The following CACNA2D3 variants were observed in gnomAD, a reference collection of about 807,000 sequenced individuals.
CACNA2D3 encodes the protein voltage-dependent calcium channel subunit alpha-2/delta-3.
CACNA2D3 carries 60 observed loss-of-function variants against 160.6 expected under a neutral mutation model. The observed-to-expected ratio is 0.37, with a 90% confidence interval of 0.30 to 0.46. The LOEUF (loss-of-function observed/expected upper bound fraction) is 0.46, where lower values mean the gene tolerates loss of function less well. Among genes scored for constraint, CACNA2D3 ranks in the 20% least tolerant of loss-of-function variants. The pLI, the probability that CACNA2D3 is intolerant of heterozygous loss-of-function variation, is 1.00. For missense variants in CACNA2D3, 1,205 were observed against 1,365.0 expected, an observed-to-expected ratio of 0.88 and a Z score of 1.85; for synonymous variants, 558 against 492.9, an observed-to-expected ratio of 1.13 and a Z score of -1.75.
Position 54,635,179 on chromosome 3 carries a change from C to T in CACNA2D3, c.1054-6949C>T, listed in dbSNP as rs1038755535. ...GTTGTATAGAATGATTGGTGATGGCCTGGATACGGTTTTGTATGAACTGAA... is the reference window on the plus strand; with the variant it reads ...GTTGTATAGAATGATTGGTGATGGCTTGGATACGGTTTTGTATGAACTGAA... On this transcript the variant is annotated intron_variant, in intron 10 of 37. Coordinates refer to ENST00000474759, the MANE Select transcript of CACNA2D3 (RefSeq NM_018398.3). Among the ~76,000 whole-genome samples, 24 of 151,774 alleles carry T rather than the reference C, an allele frequency of 1.6e-4. 2 individuals are homozygous for T. Among genetic ancestry groups the T allele is most frequent in the African/African-American group, 5.1e-4 (21 of 41,150 alleles).
rs184857112 is a variant in CACNA2D3, at chr3:54,488,904, G to A, written c.382-14588G>A. On this transcript the variant is annotated intron_variant, in intron 4 of 37. Coordinates refer to ENST00000474759, the MANE Select transcript of CACNA2D3 (RefSeq NM_018398.3). ...AAGATCCCCAGTCAAGGAGTTCAGA[G>A]GCAGCTGTCCTAGGCACATGATAAC... 2.4e-3 allele frequency among the ~76,000 whole-genome samples: 368 copies of A among 152,270 alleles called. 3 individuals are homozygous for A. Among genetic ancestry groups the A allele is most frequent in the African/African-American group, 8.5e-3 (352 of 41,558 alleles).
intron 12 of CACNA2D3, among the ~76,000 whole-genome samples, chr3:54,758,032 A>G (rs1275368858): frequency 3.0e-4 from 46 of 152,228 alleles, no homozygotes; most frequent in Non-Finnish European, 2.9e-5. Context: ...TCAATGTGCC[A>G]TAATTAACAA....
intron 11 of CACNA2D3, among the ~76,000 whole-genome samples, chr3:54,724,563 A>C (rs1408458144): frequency 1.3e-5 from 2 of 152,198 alleles, no homozygotes; most frequent in Non-Finnish European, 2.9e-5. Context: ...ATAATAACAA[A>C]CAGTCTCTCA....
intron 3 of CACNA2D3, among the ~76,000 whole-genome samples, chr3:54,341,332 G>A (rs1446749694): frequency 6.6e-6 from 1 of 152,138 alleles, no homozygotes; most frequent in African/African-American, 2.4e-5. Context: ...GCCTCCCGGG[G>A]TAGATCCTCT....
chr3:54,326,867 A>G (rs1394289429), intron 3 of CACNA2D3, among the ~76,000 whole-genome samples: 1 of 152,232 alleles, frequency 6.6e-6, no homozygotes, highest in African/African-American at 2.4e-5. Flanking sequence ...GAAAAAAATA[A>G]TGTTTTCTGT....
At chr3:54,929,228 C>A (rs1701116917) in intron 27 of CACNA2D3, among the ~76,000 whole-genome samples, 1 of 152,174 alleles carries the variant, frequency 6.6e-6, no homozygotes, top group Non-Finnish European at 1.5e-5. Context: ...TTAGCCCTTA[C>A]TTTACCAGGC....
At chr3:54,536,133 C>T (rs1701885589) in intron 5 of CACNA2D3, among the ~76,000 whole-genome samples, 1 of 152,176 alleles carries the variant, frequency 6.6e-6, no homozygotes, top group African/African-American at 2.4e-5. Flanking sequence ...TTAAAAACAT[C>T]CAGTGTTCAG....
intron 11 of CACNA2D3, among the ~76,000 whole-genome samples, chr3:54,647,500 C>T (rs1699674882): frequency 6.6e-6 from 1 of 152,238 alleles, no homozygotes; most frequent in African/African-American, 2.4e-5. Flanking sequence ...CAGTTCTCCT[C>T]TCCATGGGCT....
intron 2 of CACNA2D3, among the ~76,000 whole-genome samples, chr3:54,311,838 TTTTCAG>T (rs1166235860): frequency 6.6e-6 from 1 of 152,218 alleles, no homozygotes; most frequent in African/African-American, 2.4e-5. Flanking sequence ...AATAGCCACA[TTTTCAG>T]TTTAAGTTTC....
intron 5 of CACNA2D3, among the ~76,000 whole-genome samples, chr3:54,535,083 G>A (rs1216668673): frequency 1.3e-5 from 2 of 152,204 alleles, no homozygotes; most frequent in African/African-American, 2.4e-5. Context: ...GCTCCATGGG[G>A]GAAGGGCTTT....
intron 11 of CACNA2D3, among the ~76,000 whole-genome samples, chr3:54,653,190 C>G (rs1215702478): frequency 6.6e-6 from 1 of 152,094 alleles, no homozygotes; most frequent in African/African-American, 2.4e-5. Flanking sequence ...GCTGCATGTA[C>G]CGATGGTATT....
chr3:54,840,924 A>G (rs1327505647), intron 16 of CACNA2D3, among the ~76,000 whole-genome samples: 1 of 150,354 alleles, frequency 6.7e-6, no homozygotes, highest in East Asian at 2.0e-4. Context: ...GGGTTTCACC[A>G]TGTTAGCCAG....
At chr3:54,580,383 C>T (rs903054344) in intron 8 of CACNA2D3, among the ~76,000 whole-genome samples, 16 of 152,042 alleles carry the variant, frequency 1.1e-4, no homozygotes, top group African/African-American at 1.9e-4. Flanking sequence ...CCTGTCCCTG[C>T]GGTGTATCCA....
intron 11 of CACNA2D3, among the ~76,000 whole-genome samples, chr3:54,738,113 C>G (rs1701570295): frequency 6.6e-6 from 1 of 152,178 alleles, no homozygotes; most frequent in African/African-American, 2.4e-5. Flanking sequence ...ATAGAAGTCA[C>G]AGAATGGTAT....
At chr3:54,720,672 T>C (rs1701151958) in intron 11 of CACNA2D3, among the ~76,000 whole-genome samples, 1 of 152,138 alleles carries the variant, frequency 6.6e-6, no homozygotes, top group Admixed American at 6.5e-5. Context: ...GCTTATTCTA[T>C]CAGTTGGAAT....
chr3:54,386,575 C>G, intron 3 of CACNA2D3, 140 bp from the exon 4 acceptor site: 1 of 660,188 alleles, frequency 1.5e-6, no homozygotes, highest in East Asian at 2.8e-5. Flanking sequence ...TGATTATTTT[C>G]AGTTTCATGG....
chr3:54,264,226 G>C (rs1015138140), intron 2 of CACNA2D3, among the ~76,000 whole-genome samples: 1 of 152,184 alleles, frequency 6.6e-6, no homozygotes, highest in Non-Finnish European at 1.5e-5. Flanking sequence ...TTGGGAAACT[G>C]CTCTTACTTC....
intron 2 of CACNA2D3, among the ~76,000 whole-genome samples, chr3:54,289,698 A>T (rs564768694): frequency 6.6e-6 from 1 of 152,376 alleles, no homozygotes; most frequent in Non-Finnish European, 1.5e-5. Flanking sequence ...TGGTAGTGGT[A>T]CCAAAACAGA....
intron 21 of CACNA2D3, among the ~76,000 whole-genome samples, chr3:54,882,604 A>T (rs576046372): frequency 6.6e-6 from 1 of 152,312 alleles, no homozygotes; most frequent in East Asian, 1.9e-4. Flanking sequence ...CACCCAAATG[A>T]GGTCATATCT....
Sources: allele counts gnomAD v4.1 joint callset (sites outside exome capture counted in the v4.1 genomes callset), GRCh38; gene constraint gnomAD v4.1.1; transcripts MANE v1.5; gene names NCBI Gene and HGNC (gene_info 2026-07-23, HGNC 2026-07-21).